CRYBG3: variants seen among roughly 807,000 people sequenced by gnomAD.
CRYBG3 encodes the protein very large A-kinase anchor protein.
Under a neutral mutation model 244.2 loss-of-function variants are expected in CRYBG3, and 127 were observed. That is an observed-to-expected ratio of 0.52 (90% CI 0.45 to 0.60). The LOEUF is 0.60. CRYBG3 is among the 20% of genes least tolerant of loss of function. The pLI, the probability that CRYBG3 is intolerant of heterozygous loss-of-function variation, is 0.00. For missense variants in CRYBG3, 3,325 were observed against 3,442.5 expected (o/e 0.97, Z 0.85); for synonymous variants, 1,132 against 1,195.8 (o/e 0.95, Z 1.10).
chr3:97,837,070 C>T (rs1245217343), intron 1 of CRYBG3: 1 of 152,100 alleles, frequency 6.6e-6, no homozygotes, highest in Non-Finnish European at 1.5e-5. Flanking sequence ...ATTTTGTCCT[C>T]AAGGTGCTGT....
chr3:97,904,261 A>G (rs1251128562), intron 15 of CRYBG3, among the ~76,000 whole-genome samples: 1 of 152,166 alleles, frequency 6.6e-6, no homozygotes, highest in African/African-American at 2.4e-5. Context: ...AGTGAGGCAT[A>G]TTTTTGTAGA....
chr3:97,895,981 C>A lies in CRYBG3; in HGVS notation c.7597C>A (p.His2533Asn), dbSNP rs778184306. 1.9e-6 allele frequency: 3 copies of A among 1,613,066 alleles called. No individual in the cohort carries two copies. The South Asian group carries it at 3.3e-5, about 18-fold the overall frequency. ...GGVWVAYEKE[H>N]FKGQQFLLEE... ...TAGGTGGGTTGCCTATGAAAAAGAA[C>A]ATTTTAAAGGCCAGCAGTTTCTGCT... The change falls in exon 12 of 22, where the codon CAT becomes AAT. Residue 2533 changes from histidine (H) to asparagine (N), a missense_variant. Around this residue, in one of 4 missense-constraint regions of CRYBG3, gnomAD observed 714 missense variants for 803.6 expected, o/e 0.89. Transcript: ENST00000389622.
chr3:97,942,267 T>C lies in CRYBG3; in HGVS notation c.8665-17T>C. The C allele has an allele frequency of 6.3e-7, 1 of 1,591,182 alleles. No homozygotes were observed. The highest frequency in any genetic ancestry group is 2.2e-5 in the East Asian group (1 of 44,458). On this transcript the variant is annotated splice_polypyrimidine_tract_variant and intron_variant, in intron 20 of 21. Coordinates refer to ENST00000389622, the MANE Select transcript of CRYBG3 (RefSeq NM_153605.4). ...CAAACATACTACTGCCAATTAATCATTTCTTAACCCTTTTAGGCCAGTGAT... is the reference window on the plus strand; with the variant it reads ...CAAACATACTACTGCCAATTAATCACTTCTTAACCCTTTTAGGCCAGTGAT...
In CRYBG3 at chr3:97,822,228, G is replaced by T. The variant is rs1342064271; in HGVS notation, c.22G>T (p.Gly8Cys). 51 of 1,527,738 alleles carry T rather than the reference G, an allele frequency of 3.3e-5. No homozygotes were observed. The highest frequency in any genetic ancestry group is 4.4e-5 in the Non-Finnish European group (50 of 1,143,354). The allele number at this position is 1,527,738 out of a possible 1,614,324, so 94.6% of individuals were successfully genotyped here. Residue 8 changes from glycine to cysteine, a missense_variant, in exon 1 of 22, where the codon GGC becomes TGC. Physicochemically the swap from Gly to Cys is radical, Grantham distance 159. Around this residue, in one of 4 missense-constraint regions of CRYBG3, gnomAD observed 1,526 missense variants for 1,443.2 expected, o/e 1.06. Transcript: ENST00000389622. The stretch of plus-strand genomic sequence containing the variant: ...GGAAATGTCCAGCGGCCGCAGAAGG[G>T]GCAGCGCCCCCTGGCACAGCTTCTC... Reference protein sequence around the residue: MSSGRRRGSAPWHSFSRF... With the variant: MSSGRRRCSAPWHSFSRF...
rs139404677 is a variant in CRYBG3 at position 97,841,296 on chromosome 3, A to G, written c.150-1899A>G. 2.2e-3 allele frequency among the ~76,000 whole-genome samples: 325 copies of G among 150,208 alleles called. 1 individual carries two copies. The highest frequency in any genetic ancestry group is 7.2e-3 in the African/African-American group (297 of 41,044). On this transcript the variant is annotated intron_variant, in intron 1 of 21. Transcript: ENST00000389622. ...TATGTACATATAGGTGCGTACACCT[A>G]TATGTATATATATGTGTATATACGC...
At position 97,875,410 on chromosome 3, in the gene CRYBG3, T is replaced by A; in HGVS notation, c.4216T>A (p.Phe1406Ile). The A allele has an allele frequency of 7.1e-6, 10 of 1,410,116 alleles. No homozygotes were observed. Among genetic ancestry groups the A allele is most frequent in the Non-Finnish European group, 9.2e-6 (10 of 1,090,474 alleles). 87.4% of individuals were successfully genotyped at this position (1,410,116 alleles called of 1,614,324 possible). ...GEIVLYQKSLFSGNGSGLSDS... is the reference protein window; with the variant it reads ...GEIVLYQKSLISGNGSGLSDS... ...AATTGTTCTCTACCAAAAATCCCTA[T>A]TTTCTGGAAATGGATCTGGACTGTC... The change falls in exon 4 of 22, where the codon TTT (phenylalanine) becomes ATT (isoleucine). Residue 1406 changes from phenylalanine to isoleucine, a missense_variant. Physicochemically the swap from Phe to Ile is conservative, Grantham distance 21 (BLOSUM62 0). Transcript: ENST00000389622.
chr3:97,889,986 C>T (rs2039556774), intron 10 of CRYBG3, among the ~76,000 whole-genome samples: 1 of 152,066 alleles, frequency 6.6e-6, no homozygotes, highest in South Asian at 2.1e-4. Context: ...TGCAAACAGG[C>T]CTGCTTGTAA....
At chr3:97,878,227 G>A (rs556784346) in intron 4 of CRYBG3, among the ~76,000 whole-genome samples, 190 bp downstream of exon 4, 57 of 152,006 alleles carry the variant, frequency 3.7e-4, no homozygotes, top group Non-Finnish European at 7.4e-4. Flanking sequence ...TGGCCAAGAT[G>A]GTGAAACCTT....
chr3:97,845,296 G>T (rs531716757), intron 2 of CRYBG3, among the ~76,000 whole-genome samples: 33 of 152,210 alleles, frequency 2.2e-4, no homozygotes, highest in Admixed American at 5.9e-4. Context: ...TTGGTTGCAA[G>T]ACAAGTTTGA....
At chr3:97,862,100 T>TA (rs397990602) in intron 2 of CRYBG3, among the ~76,000 whole-genome samples, 2,183 of 151,614 alleles carry the variant, frequency 0.014, 17 homozygotes, top group South Asian at 0.029. Flanking sequence ...GTTTTTTTTT[T>TA]AAAAAATTAT....
intron 15 of CRYBG3, among the ~76,000 whole-genome samples, chr3:97,911,104 C>G (rs2039866889): frequency 1.3e-5 from 2 of 152,294 alleles, no homozygotes; most frequent in African/African-American, 4.8e-5. Context: ...TTTGACTGAT[C>G]TTTGATAACA....
At chr3:97,894,113 A>G (rs2039612658) in intron 11 of CRYBG3, among the ~76,000 whole-genome samples, 1 of 152,174 alleles carries the variant, frequency 6.6e-6, no homozygotes, top group South Asian at 2.1e-4. Context: ...GTTTGTGAAC[A>G]CACATGTTTC....
At position 97,874,493 on chromosome 3, in the gene CRYBG3, C is replaced by A; in HGVS notation, c.3299C>A (p.Thr1100Asn). The change falls in exon 4 of 22, where the codon ACT becomes AAT. Residue 1100 changes from threonine (T) to asparagine (N), a missense_variant. By Grantham distance (65) the Thr-to-Asn change is moderately conservative. This residue lies in a region of CRYBG3 where 1,526 missense variants were observed against 1,443.2 expected (regional missense o/e 1.06). Transcript: ENST00000389622. ...KDLTHEGTSVTNLLYPTTSYL... is the reference protein window; with the variant it reads ...KDLTHEGTSVNNLLYPTTSYL... The stretch of plus-strand genomic sequence containing the variant: ...CTCACACATGAAGGTACCTCTGTAA[C>A]TAACCTGTTGTACCCTACTACCTCT... 6.5e-7 allele frequency: 1 copy of A among 1,534,174 alleles called. No individual in the cohort carries two copies. Among genetic ancestry groups the A allele is most frequent in the East Asian group, 2.4e-5 (1 of 40,910 alleles).
intron 1 of CRYBG3, among the ~76,000 whole-genome samples, chr3:97,823,629 A>C (rs191487496): frequency 1.8e-4 from 28 of 152,348 alleles, no homozygotes; most frequent in Middle Eastern, 3.4e-3. Context: ...TAAGTCTGAC[A>C]GATCTCATCC....
chr3:97,938,069 G>A (rs550679947), intron 19 of CRYBG3, among the ~76,000 whole-genome samples: 2 of 152,106 alleles, frequency 1.3e-5, no homozygotes, highest in Admixed American at 6.6e-5. Flanking sequence ...TCAGGGGTGT[G>A]ATGGCCCGTG....
intron 1 of CRYBG3, among the ~76,000 whole-genome samples, chr3:97,825,643 A>T (rs573548677): frequency 1.3e-5 from 2 of 152,318 alleles, no homozygotes; most frequent in Admixed American, 1.3e-4. Flanking sequence ...TACACACACT[A>T]ATTGCCAGTA....
At chr3:97,829,149 T>C (rs1380311533) in intron 1 of CRYBG3, among the ~76,000 whole-genome samples, 1 of 152,162 alleles carries the variant, frequency 6.6e-6, no homozygotes, top group Non-Finnish European at 1.5e-5. Context: ...CAAGAGAATG[T>C]ATGATCCTGA....
At chr3:97,845,103 C>T (rs901035925) in intron 2 of CRYBG3, among the ~76,000 whole-genome samples, 5 of 152,144 alleles carry the variant, frequency 3.3e-5, no homozygotes, top group Non-Finnish European at 5.9e-5. Context: ...TGCTACCAGG[C>T]ATCATAACAA....
chr3:97,872,868 TACTG>T lies in CRYBG3; in HGVS notation c.1677_1680del (p.Asp560AsnfsTer23), dbSNP rs2039322660. On this transcript the variant is annotated frameshift_variant, in exon 4 of 22. Transcript: ENST00000389622. LOFTEE classifies it high-confidence loss of function. Reference sequence around the variant, plus strand: ...ATAAAATTGAGTCATTACCCAAAGATACTGACCAATACTTTGAAACCAAAGCCAA... The same window carrying T: ...ATAAAATTGAGTCATTACCCAAAGATACCAATACTTTGAAACCAAAGCCAA... 1 of 1,533,746 alleles carries T rather than the reference TACTG, an allele frequency of 6.5e-7. No individual in the cohort carries two copies. Among genetic ancestry groups the T allele is most frequent in the Non-Finnish European group, 8.7e-7 (1 of 1,146,296 alleles).
Sources: gnomAD v4.1 joint callset for allele counts (sites outside exome capture counted in the v4.1 genomes callset) on GRCh38, gnomAD v4.1.1 for gene constraint, gnomAD v4.1.1 regional missense constraint, MANE v1.5 for transcripts, NCBI Gene and HGNC (gene_info 2026-07-23, HGNC 2026-07-21) for gene names.